The following PHKB variants were observed in gnomAD, a reference collection of about 807,000 sequenced individuals.
The protein encoded by PHKB is phosphorylase kinase regulatory subunit beta.
A neutral mutation model predicts 152.1 loss-of-function variants in PHKB; 122 were observed. That is an observed-to-expected ratio of 0.80 (90% CI 0.69 to 0.93). The LOEUF (loss-of-function observed/expected upper bound fraction) is 0.93, where lower values mean the gene tolerates loss of function less well. PHKB is among the 40% of genes least tolerant of loss of function. The pLI, the probability that PHKB is intolerant of heterozygous loss-of-function variation, is 0.00. For missense variants in PHKB, 1,304 were observed against 1,328.4 expected, an observed-to-expected ratio of 0.98 and a Z score of 0.29; for synonymous variants, 436 against 464.9, an observed-to-expected ratio of 0.94 and a Z score of 0.80.
chr16:47,562,600 A>G (rs531068344), intron 7 of PHKB: 1 of 152,350 alleles, frequency 6.6e-6, no homozygotes, highest in South Asian at 2.1e-4. Flanking sequence ...AAACATGCTA[A>G]CAGTCATCTG....
At chr16:47,538,923 G>T (rs550635961) in intron 6 of PHKB, among the ~76,000 whole-genome samples, 2 of 152,214 alleles carry the variant, frequency 1.3e-5, no homozygotes, top group East Asian at 3.9e-4. Context: ...TGTGTGTGTA[G>T]GATGAAGGTG....
chr16:47,685,415 A>G (rs889942705), intron 26 of PHKB, among the ~76,000 whole-genome samples: 3 of 151,828 alleles, frequency 2.0e-5, no homozygotes, highest in African/African-American at 7.3e-5. Context: ...ACAGGGCGAG[A>G]CTCCTCCTCA....
At chr16:47,660,233 G>C (rs573447735) in intron 20 of PHKB, among the ~76,000 whole-genome samples, 1 of 152,212 alleles carries the variant, frequency 6.6e-6, no homozygotes, top group African/African-American at 2.4e-5. Flanking sequence ...GTAAATGCCT[G>C]CAATTCTAAG....
intron 6 of PHKB, among the ~76,000 whole-genome samples, chr16:47,525,551 A>G (rs1970751670): frequency 6.6e-6 from 1 of 152,200 alleles, no homozygotes; most frequent in African/African-American, 2.4e-5. Context: ...TGCCTAAGAA[A>G]ACTCCTAGGG....
At chr16:47,486,718 T>C (rs1970056015) in intron 1 of PHKB, among the ~76,000 whole-genome samples, 2 of 152,330 alleles carry the variant, frequency 1.3e-5, no homozygotes, top group South Asian at 2.1e-4. Context: ...ATGGGACTCT[T>C]TGACCTCTAT....
chr16:47,477,824 T>G (rs1441115985), intron 1 of PHKB, among the ~76,000 whole-genome samples: 1 of 152,194 alleles, frequency 6.6e-6, no homozygotes, highest in Non-Finnish European at 1.5e-5. Flanking sequence ...TCATCTACAT[T>G]GTAATCCAAA....
At chr16:47,606,188 C>T (rs1190930098) in intron 13 of PHKB, among the ~76,000 whole-genome samples, 1 of 152,152 alleles carries the variant, frequency 6.6e-6, no homozygotes, top group Non-Finnish European at 1.5e-5. Context: ...AAAAGATCTT[C>T]CAAGAGTTAC....
At chr16:47,638,268 A>G (rs1465806365) in intron 14 of PHKB, among the ~76,000 whole-genome samples, 2 of 152,218 alleles carry the variant, frequency 1.3e-5, no homozygotes, top group South Asian at 2.1e-4. Flanking sequence ...GTGGAAGCCA[A>G]TGGGATCTAG....
At chr16:47,572,492 C>T (rs1971678537) in intron 7 of PHKB, among the ~76,000 whole-genome samples, 1 of 152,168 alleles carries the variant, frequency 6.6e-6, no homozygotes, top group Admixed American at 6.5e-5. Context: ...AGTCAACCAT[C>T]TGGAGAAGCT....
chr16:47,492,021 T>C (rs1970158733), intron 1 of PHKB, among the ~76,000 whole-genome samples: 1 of 152,148 alleles, frequency 6.6e-6, no homozygotes, highest in Non-Finnish European at 1.5e-5. Flanking sequence ...TACTAAAGGC[T>C]CAGAGAAAGA....
At chr16:47,560,494 C>T (rs1390462020) in intron 7 of PHKB, among the ~76,000 whole-genome samples, 3 of 152,196 alleles carry the variant, frequency 2.0e-5, no homozygotes, top group Non-Finnish European at 4.4e-5. Context: ...CAGAACTGGA[C>T]TCACACTTTT....
chr16:47,491,301 C>T (rs1970146920), intron 1 of PHKB, among the ~76,000 whole-genome samples: 1 of 152,068 alleles, frequency 6.6e-6, no homozygotes, highest in African/African-American at 2.4e-5. Flanking sequence ...ATGTCAATTG[C>T]CTTACCAGTT....
chr16:47,492,728 AG>A (rs914383156), intron 1 of PHKB, among the ~76,000 whole-genome samples: 12 of 152,178 alleles, frequency 7.9e-5, no homozygotes, highest in Admixed American at 7.2e-4. Flanking sequence ...AACACCTGGG[AG>A]TGACAGGGGT....
At chr16:47,530,315 T>C (rs546851552) in intron 6 of PHKB, among the ~76,000 whole-genome samples, 3 of 152,062 alleles carry the variant, frequency 2.0e-5, no homozygotes, top group Admixed American at 6.6e-5. Context: ...TTTGTATTTT[T>C]AGTAGAGATG....
chr16:47,619,947 G>T (rs953490342), intron 14 of PHKB, among the ~76,000 whole-genome samples: 1 of 152,096 alleles, frequency 6.6e-6, no homozygotes, highest in Non-Finnish European at 1.5e-5. Flanking sequence ...TATAGCAAAT[G>T]GACTTATTTT....
At chr16:47,620,075 A>G (rs1374070981) in intron 14 of PHKB, among the ~76,000 whole-genome samples, 1 of 152,222 alleles carries the variant, frequency 6.6e-6, no homozygotes, top group African/African-American at 2.4e-5. Flanking sequence ...TTAACAGGCA[A>G]TAGCCAGCCA....
intron 1 of PHKB, among the ~76,000 whole-genome samples, chr16:47,469,055 C>A (rs1199568653): frequency 1.3e-5 from 2 of 152,108 alleles, no homozygotes; most frequent in Non-Finnish European, 2.9e-5. Flanking sequence ...GGTAATTTTT[C>A]CCCCTTCTTA....
intron 1 of PHKB, among the ~76,000 whole-genome samples, chr16:47,466,018 G>A (rs1969663033): frequency 6.6e-6 from 1 of 152,128 alleles, no homozygotes; most frequent in Non-Finnish European, 1.5e-5. Flanking sequence ...ATTGTTTTAT[G>A]TATTTTAACC....
chr16:47,601,435 G>A (rs1972224054), intron 13 of PHKB, among the ~76,000 whole-genome samples: 1 of 152,084 alleles, frequency 6.6e-6, no homozygotes, highest in South Asian at 2.1e-4. Flanking sequence ...GCCAGGTGTG[G>A]TGGCTCATGC....
Sources: gnomAD v4.1 joint callset for allele counts (sites outside exome capture counted in the v4.1 genomes callset) on GRCh38, gnomAD v4.1.1 for gene constraint, MANE v1.5 for transcripts, NCBI Gene and HGNC (gene_info 2026-07-23, HGNC 2026-07-21) for gene names.